Variants in UNC13C observed in about 807,000 individuals in gnomAD.
UNC13C encodes protein unc-13 homolog C.
A neutral mutation model predicts 245.4 loss-of-function variants in UNC13C; 174 were observed. That is an observed-to-expected ratio of 0.71 (90% CI 0.63 to 0.80). UNC13C has a LOEUF of 0.80. Ranked by LOEUF, UNC13C falls within the 30% of genes least tolerant of loss-of-function variation. The pLI is 0.00. For missense variants in UNC13C, 2,829 were observed against 2,602.9 expected, an observed-to-expected ratio of 1.09 and a Z score of -1.89; for synonymous variants, 992 against 895.1, an observed-to-expected ratio of 1.11 and a Z score of -1.93.
chr15:53,969,411 A>G, the UNC13C span, among the ~76,000 whole-genome samples: 1 of 152,272 alleles, frequency 6.6e-6, no homozygotes. Context: ...AGCAATTTAA[A>G]AATTGTTGTA....
intron 19 of UNC13C, among the ~76,000 whole-genome samples, chr15:54,444,715 T>C (rs1890712010): frequency 6.6e-6 from 1 of 152,010 alleles, no homozygotes; most frequent in African/African-American, 2.4e-5. Context: ...CAGTGGGTTT[T>C]ATCCTTTTGT....
At chr15:54,166,919 T>C (rs2033181641) in intron 4 of UNC13C, among the ~76,000 whole-genome samples, 1 of 152,170 alleles carries the variant, frequency 6.6e-6, no homozygotes, top group African/African-American at 2.4e-5. Flanking sequence ...CATCTAATCG[T>C]TGGATTCAGT....
intron 1 of UNC13C, among the ~76,000 whole-genome samples, chr15:53,986,105 G>C (rs536181092): frequency 1.3e-5 from 2 of 152,150 alleles, no homozygotes; most frequent in East Asian, 3.9e-4. Context: ...AATTCTTAGA[G>C]CATCTATCTA....
chr15:54,582,595 A>G (rs938352167), intron 30 of UNC13C, among the ~76,000 whole-genome samples: 1 of 152,096 alleles, frequency 6.6e-6, no homozygotes, highest in Non-Finnish European at 1.5e-5. Context: ...GGGCAGAGTA[A>G]ATATCAATGA....
chr15:54,035,163 T>C (rs16973987), intron 2 of UNC13C, among the ~76,000 whole-genome samples: 3,321 of 152,236 alleles, frequency 0.022, 118 homozygotes, highest in South Asian at 0.13. Flanking sequence ...CCTACACATG[T>C]CTAAAGGGGC....
At chr15:54,360,476 C>T (rs772887728) in intron 17 of UNC13C, among the ~76,000 whole-genome samples, 15 of 151,960 alleles carry the variant, frequency 9.9e-5, no homozygotes, top group Non-Finnish European at 1.8e-4. Flanking sequence ...TTTTTAGGTG[C>T]TCTGATATTG....
intron 12 of UNC13C, among the ~76,000 whole-genome samples, chr15:54,299,588 T>C (rs932214121): frequency 2.0e-5 from 3 of 152,186 alleles, no homozygotes; most frequent in Non-Finnish European, 2.9e-5. Context: ...ATTTGAATCA[T>C]TGATTCTGTG....
At chr15:53,893,512 C>A in the UNC13C span, among the ~76,000 whole-genome samples, 4 of 152,174 alleles carry the variant, frequency 2.6e-5, no homozygotes, top group African/African-American at 9.7e-5. Context: ...TCTATAAGTC[C>A]CTGACTGGGG....
At chr15:54,392,924 A>T (rs2039987927) in intron 17 of UNC13C, 124 bp from the exon 18 acceptor site, 10 of 1,149,122 alleles carry the variant, frequency 8.7e-6, no homozygotes, top group Non-Finnish European at 1.2e-5. Flanking sequence ...AACAGCTTTG[A>T]CTCCCATAAT....
At chr15:54,513,386 G>C (rs1263639693) in intron 24 of UNC13C, among the ~76,000 whole-genome samples, 7 of 152,108 alleles carry the variant, frequency 4.6e-5, no homozygotes, top group Non-Finnish European at 2.9e-5. Context: ...TTCTGTGTTT[G>C]AACTCTAATG....
At chr15:53,848,277 T>C in the UNC13C span, among the ~76,000 whole-genome samples, 5 of 152,174 alleles carry the variant, frequency 3.3e-5, no homozygotes, top group Middle Eastern at 3.2e-3. Context: ...GGTCTTTTAG[T>C]AGAAGATTAG....
chr15:54,580,226 G>A (rs997438070), intron 30 of UNC13C, among the ~76,000 whole-genome samples: 6 of 152,312 alleles, frequency 3.9e-5, no homozygotes, highest in East Asian at 3.9e-4. Context: ...CAACCTGCAC[G>A]TGTCCTTCAC....
intron 30 of UNC13C, among the ~76,000 whole-genome samples, chr15:54,608,732 A>G (rs1266012032): frequency 6.6e-6 from 1 of 152,228 alleles, no homozygotes; most frequent in Non-Finnish European, 1.5e-5. Flanking sequence ...TTATTGCATT[A>G]TACCCTCTGT....
chr15:54,296,372 TTTTTTTTTTTA>T (rs1484402941), intron 11 of UNC13C, among the ~76,000 whole-genome samples: 1 of 102,522 alleles, frequency 9.8e-6, no homozygotes, highest in Non-Finnish European at 1.8e-5. Flanking sequence ...GGCTAATTTT[TTTTTTTTTTTA>T]TTTTTTTTTA....
chr15:54,312,300 C>T (rs78461533), intron 13 of UNC13C, among the ~76,000 whole-genome samples: 2,240 of 151,648 alleles, frequency 0.015, 64 homozygotes, highest in African/African-American at 0.05. Context: ...TCTTTGAATA[C>T]GTGTTTGCTG....
At chr15:53,986,841 A>T (rs1440510651) in intron 1 of UNC13C, among the ~76,000 whole-genome samples, 1 of 152,038 alleles carries the variant, frequency 6.6e-6, no homozygotes, top group Non-Finnish European at 1.5e-5. Flanking sequence ...AATGCAAATA[A>T]ATTTGTTACT....
In UNC13C at chr15:54,414,967, T is replaced by C. The variant is rs2040489728; in HGVS notation, c.4848-15T>C. 1 of 1,604,470 alleles carries C rather than the reference T, an allele frequency of 6.2e-7. No homozygotes were observed. ...TTTTCTTCTTCATACACTAATACAA[T>C]GTGTTTGGTTTTAGGTTTCCTCAAG... is the stretch of plus-strand genomic sequence containing the variant. On this transcript the variant is annotated splice_polypyrimidine_tract_variant and intron_variant, in intron 18 of 32. Transcript: ENST00000260323.
chr15:54,454,920 C>CCA (rs879369233), intron 19 of UNC13C, among the ~76,000 whole-genome samples: 67,200 of 151,204 alleles, frequency 0.44, 15,281 homozygotes, highest in East Asian at 0.71. Flanking sequence ...CCCATCACGT[C>CCA]AGTAGTATAC....
rs74452803 is a variant in UNC13C, at chr15:54,414,902, G to T, written c.4848-80G>T. ...TATGAACTATGTAATAACTACTGTG[G>T]TATATATGTAAAATGCTGTATTTTG... On this transcript the variant is annotated intron_variant, in intron 18 of 32. Transcript: ENST00000260323. 1.8e-3 allele frequency: 1,475 copies of T among 826,330 alleles called. 12 individuals are homozygous for T. In the African/African-American group the frequency reaches 0.021, roughly 12 times the overall value. The allele number at this position is 826,330 out of a possible 1,614,324, so 51.2% of individuals were successfully genotyped here.
Sources: allele counts gnomAD v4.1 joint callset (sites outside exome capture counted in the v4.1 genomes callset), GRCh38; gene constraint gnomAD v4.1.1; transcripts MANE v1.5; gene names NCBI Gene and HGNC (gene_info 2026-07-23, HGNC 2026-07-21).